Variants in MAGI1 observed in about 807,000 individuals in gnomAD.
The protein encoded by MAGI1 is membrane associated guanylate kinase, WW and PDZ domain containing 1.
In MAGI1, 58 loss-of-function variants were observed where a neutral mutation model predicts 139.9. The observed-to-expected ratio is 0.41, with a 90% CI of 0.34 to 0.52. MAGI1 has a LOEUF of 0.52. Ranked by LOEUF, MAGI1 falls within the 20% of genes least tolerant of loss-of-function variation. MAGI1 has a pLI of 0.12. For missense variants in MAGI1, 1,874 were observed against 1,901.6 expected (o/e 0.99, Z 0.27); for synonymous variants, 812 against 737.9 (o/e 1.10, Z -1.63).
At chr3:65,577,424 C>T (rs1489906715) in intron 2 of MAGI1, among the ~76,000 whole-genome samples, 1 of 152,090 alleles carries the variant, frequency 6.6e-6, no homozygotes, top group African/African-American at 2.4e-5. Flanking sequence ...AACACGGCTC[C>T]TATCTTCACT....
intron 12 of MAGI1, among the ~76,000 whole-genome samples, chr3:65,427,757 A>T (rs1376688653): frequency 6.6e-6 from 1 of 152,136 alleles, no homozygotes; most frequent in African/African-American, 2.4e-5. Flanking sequence ...GAAGTGACAA[A>T]TATCAGTGGA....
At chr3:65,592,704 G>A (rs185600025) in intron 2 of MAGI1, among the ~76,000 whole-genome samples, 7 of 152,256 alleles carry the variant, frequency 4.6e-5, no homozygotes, top group African/African-American at 1.2e-4. Context: ...CTTTTGGAGA[G>A]TTGGACTTCA....
At chr3:65,621,639 C>T (rs1402629358) in intron 2 of MAGI1, among the ~76,000 whole-genome samples, 2 of 152,122 alleles carry the variant, frequency 1.3e-5, no homozygotes, top group Admixed American at 1.3e-4. Context: ...CACAGCACAC[C>T]ATTACCTTAG....
chr3:65,709,146 T>A (rs1451875292), intron 1 of MAGI1, among the ~76,000 whole-genome samples: 1 of 152,218 alleles, frequency 6.6e-6, no homozygotes, highest in Non-Finnish European at 1.5e-5. Context: ...ATGGCCGTTC[T>A]CTTTTGGTGA....
At chr3:65,687,393 C>T (rs915298686) in intron 1 of MAGI1, 17 of 349,036 alleles carry the variant, frequency 4.9e-5, no homozygotes, top group South Asian at 3.0e-5. Context: ...CCACATATCC[C>T]GTTTGATTTC....
chr3:65,601,884 G>A (rs1427802055), intron 2 of MAGI1, among the ~76,000 whole-genome samples: 1 of 152,088 alleles, frequency 6.6e-6, no homozygotes, highest in Non-Finnish European at 1.5e-5. Flanking sequence ...TCCAGAATAT[G>A]TGAAAAACTT....
intron 2 of MAGI1, among the ~76,000 whole-genome samples, chr3:65,498,438 GA>G (rs201771614): frequency 1.2e-4 from 18 of 150,524 alleles, no homozygotes; most frequent in Middle Eastern, 3.4e-3. Flanking sequence ...CCCCAAAAAA[GA>G]AAAAAAAATA....
chr3:65,511,813 C>T (rs1437388721), intron 2 of MAGI1, among the ~76,000 whole-genome samples: 1 of 137,256 alleles, frequency 7.3e-6, no homozygotes, highest in African/African-American at 2.7e-5. Flanking sequence ...ACCTAATAGA[C>T]ATCTACAGAA....
chr3:65,674,064 C>T (rs2087027812), intron 1 of MAGI1, among the ~76,000 whole-genome samples: 1 of 152,106 alleles, frequency 6.6e-6, no homozygotes, highest in Admixed American at 6.5e-5. Context: ...CACAGCGAGA[C>T]TCCATCTCAA....
intron 1 of MAGI1, among the ~76,000 whole-genome samples, chr3:65,813,178 C>A (rs1258736486): frequency 2.0e-5 from 3 of 152,052 alleles, no homozygotes; most frequent in Non-Finnish European, 4.4e-5. Flanking sequence ...TGCACATATA[C>A]CTGAACTGAC....
intron 1 of MAGI1, among the ~76,000 whole-genome samples, chr3:65,888,013 G>C (rs974086874): frequency 1.3e-5 from 2 of 152,064 alleles, no homozygotes; most frequent in East Asian, 1.9e-4. Flanking sequence ...GGTATATTCT[G>C]TGTTTCATAA....
At chr3:65,716,679 T>C (rs1021085234) in intron 1 of MAGI1, among the ~76,000 whole-genome samples, 3 of 152,232 alleles carry the variant, frequency 2.0e-5, no homozygotes, top group African/African-American at 7.2e-5. Flanking sequence ...TGGTAGTTTC[T>C]AATAACTCTT....
chr3:65,795,473 T>C (rs1321474363), intron 1 of MAGI1, among the ~76,000 whole-genome samples: 1 of 152,144 alleles, frequency 6.6e-6, no homozygotes, highest in East Asian at 1.9e-4. Context: ...ATAACATTCT[T>C]GAAATGATAA....
At chr3:65,526,884 T>C (rs9821534) in intron 2 of MAGI1, among the ~76,000 whole-genome samples, 4,178 of 152,164 alleles carry the variant, frequency 0.027, 189 homozygotes, top group African/African-American at 0.093. Context: ...CCATCAATCA[T>C]TAACAGTAAC....
chr3:65,618,226 G>C (rs1218992698), intron 2 of MAGI1, among the ~76,000 whole-genome samples: 1 of 152,172 alleles, frequency 6.6e-6, no homozygotes, highest in African/African-American at 2.4e-5. Flanking sequence ...TTGGGAATGT[G>C]ACCAAAACTG....
intron 22 of MAGI1, chr3:65,359,218 G>A (rs1045664069): frequency 5.6e-6 from 9 of 1,597,668 alleles, no homozygotes; most frequent in Non-Finnish European, 7.7e-6. Flanking sequence ...AAGAGAAAAA[G>A]TTGAACATTT....
chr3:65,458,288 T>C (rs908743097), intron 5 of MAGI1, among the ~76,000 whole-genome samples: 1 of 152,108 alleles, frequency 6.6e-6, no homozygotes, highest in African/African-American at 2.4e-5. Context: ...TTCAATATAC[T>C]GATTTCCTTT....
At chr3:65,548,620 T>G (rs1185835081) in intron 2 of MAGI1, among the ~76,000 whole-genome samples, 1 of 149,576 alleles carries the variant, frequency 6.7e-6, no homozygotes, top group Non-Finnish European at 1.5e-5. Flanking sequence ...CCTCCCAGGT[T>G]CAAGCTATTC....
At position 65,637,479 on chromosome 3, in the gene MAGI1, G is replaced by A. The variant is rs181882591; in HGVS notation, c.314-15391C>T. 4.8e-3 allele frequency among the ~76,000 whole-genome samples: 729 copies of A among 151,694 alleles called. 5 individuals are homozygous for A. Among genetic ancestry groups the A allele is most frequent in the Non-Finnish European group, 7.5e-3 (512 of 67,938 alleles). On this transcript the variant is annotated intron_variant, in intron 1 of 22. Transcript: ENST00000402939. ...TGAGTTGGGAGAATCACCTGGGCCT[G>A]GGAAATCAAGGCTGCAGTGAGACAT...
Sources: allele counts gnomAD v4.1 joint callset (sites outside exome capture counted in the v4.1 genomes callset), GRCh38; gene constraint gnomAD v4.1.1; transcripts MANE v1.5; gene names NCBI Gene and HGNC (gene_info 2026-07-23, HGNC 2026-07-21).